EPB41: variants seen among roughly 807,000 people sequenced by gnomAD.
EPB41 encodes erythrocyte membrane protein band 4.1.
Under a neutral mutation model 108.0 loss-of-function variants are expected in EPB41, and 65 were observed. The ratio of observed to expected loss-of-function variants is 0.60; its 90% CI spans 0.49 to 0.74. The LOEUF is 0.74. Among genes scored for constraint, EPB41 ranks in the 30% least tolerant of loss-of-function variants. EPB41 has a pLI of 0.00. For missense variants in EPB41, 875 were observed against 1,037.0 expected (o/e 0.84, Z 2.15); for synonymous variants, 336 against 358.9 (o/e 0.94, Z 0.72).
intron 1 of EPB41, among the ~76,000 whole-genome samples, chr1:28,975,958 A>AAG (rs1553205873): frequency 0.063 from 8,661 of 137,710 alleles, 334 homozygotes; most frequent in East Asian, 0.26. Context: ...AAAAAAAAAA[A>AAG]AAAGAAAGAA....
At chr1:28,991,252 A>C (rs1435488854) in intron 2 of EPB41, among the ~76,000 whole-genome samples, 1 of 150,754 alleles carries the variant, frequency 6.6e-6, no homozygotes, top group Admixed American at 6.6e-5. Flanking sequence ...ACCAGTCTTC[A>C]TCCAGAGTAG....
intron 11 of EPB41, 47 bp from the exon 12 acceptor site, chr1:29,053,057 G>C: frequency 6.3e-7 from 1 of 1,597,958 alleles, no homozygotes; most frequent in South Asian, 1.1e-5. Flanking sequence ...AAATAATACA[G>C]TAGCTCTGGC....
intron 17 of EPB41, among the ~76,000 whole-genome samples, chr1:29,099,284 A>AAAGAAG (rs1279955637): frequency 8.6e-5 from 13 of 150,340 alleles, no homozygotes; most frequent in African/African-American, 2.9e-4. Flanking sequence ...AAAAAAAAAA[A>AAAGAAG]AAGAAGAAGA....
intron 3 of EPB41, among the ~76,000 whole-genome samples, chr1:28,994,799 C>T (rs2096124314): frequency 6.6e-6 from 1 of 150,828 alleles, no homozygotes; most frequent in Non-Finnish European, 1.5e-5. Context: ...GCTGGGACTA[C>T]AGGCACATAC....
chr1:29,054,773 C>T (rs1369619445), intron 12 of EPB41, among the ~76,000 whole-genome samples: 1 of 152,148 alleles, frequency 6.6e-6, no homozygotes, highest in Non-Finnish European at 1.5e-5. Context: ...TAGCTTGAAC[C>T]TGAGAGGTTG....
At chr1:29,097,355 G>A (rs1663556561) in intron 16 of EPB41, 1 of 180,224 alleles carries the variant, frequency 5.5e-6, no homozygotes, top group South Asian at 1.2e-4. Context: ...AGAAGTTAAT[G>A]AATTCGAGGG....
At chr1:29,051,221 C>T (rs1298037439) in intron 11 of EPB41, among the ~76,000 whole-genome samples, 1 of 150,218 alleles carries the variant, frequency 6.7e-6, no homozygotes, top group Admixed American at 6.7e-5. Flanking sequence ...GCCTCAGCCT[C>T]CCGAGTAGCT....
chr1:28,959,649 G>C (rs185239673), intron 1 of EPB41, among the ~76,000 whole-genome samples: 1 of 152,246 alleles, frequency 6.6e-6, no homozygotes, highest in Admixed American at 6.6e-5. Flanking sequence ...GAGTGAATTA[G>C]AGCAGAAACA....
chr1:28,935,469 C>CACACACACACACACACACACACACA (rs1234434094), intron 1 of EPB41, among the ~76,000 whole-genome samples: 1,191 of 42,154 alleles, frequency 0.028, 65 homozygotes, highest in Admixed American at 0.038. Context: ...ACACACACAC[C>CACACACACACACACACACACACACA]CCCCCCCCCC....
At chr1:28,960,302 T>C (rs2095150991) in intron 1 of EPB41, among the ~76,000 whole-genome samples, 1 of 152,050 alleles carries the variant, frequency 6.6e-6, no homozygotes, top group South Asian at 2.1e-4. Flanking sequence ...TGAGTCACTA[T>C]ATCCAGTCCT....
chr1:29,114,007 G>A (rs576911577), intron 19 of EPB41, among the ~76,000 whole-genome samples: 2 of 152,274 alleles, frequency 1.3e-5, no homozygotes, highest in South Asian at 4.2e-4. Context: ...CAGGGAGGAT[G>A]GTCAGGGGCC....
At chr1:29,069,354 T>G (rs975685094) in intron 16 of EPB41, 77 of 1,231,050 alleles carry the variant, frequency 6.3e-5, no homozygotes, top group Non-Finnish European at 7.8e-5. Flanking sequence ...AATAAAAACT[T>G]CTCAATTGGA....
intron 1 of EPB41, among the ~76,000 whole-genome samples, chr1:28,924,072 GA>G (rs1482148990): frequency 3.3e-5 from 5 of 152,216 alleles, no homozygotes; most frequent in African/African-American, 9.6e-5. Flanking sequence ...CATATCCTGA[GA>G]ACACTCAGGC....
intron 6 of EPB41, among the ~76,000 whole-genome samples, chr1:29,017,342 A>G (rs557994211): frequency 1.3e-5 from 2 of 152,342 alleles, no homozygotes; most frequent in East Asian, 1.9e-4. Context: ...AGGAATTGTC[A>G]ATTTAATAAT....
intron 1 of EPB41, among the ~76,000 whole-genome samples, chr1:28,919,556 C>T (rs897261218): frequency 5.9e-5 from 9 of 151,928 alleles, no homozygotes; most frequent in African/African-American, 1.5e-4. Context: ...CTCTGCCTCC[C>T]GGGTTCAAGC....
chr1:29,081,770 G>C (rs760868482), intron 16 of EPB41, among the ~76,000 whole-genome samples: 1 of 151,278 alleles, frequency 6.6e-6, no homozygotes, highest in Non-Finnish European at 1.5e-5. Context: ...GGAAGGCGGA[G>C]GTTGCAGTAA....
intron 16 of EPB41, among the ~76,000 whole-genome samples, chr1:29,076,857 T>C (rs1300484096): frequency 6.6e-6 from 1 of 152,090 alleles, no homozygotes; most frequent in Non-Finnish European, 1.5e-5. Flanking sequence ...CAGTGAGCCA[T>C]GATCACACAA....
At chr1:29,015,939 A>G (rs1228430592) in intron 6 of EPB41, among the ~76,000 whole-genome samples, 172 bp downstream of exon 6, 1 of 152,224 alleles carries the variant, frequency 6.6e-6, no homozygotes, top group Non-Finnish European at 1.5e-5. Context: ...AGGCATACAA[A>G]TAAGTGAATC....
intron 1 of EPB41, among the ~76,000 whole-genome samples, chr1:28,937,252 T>C (rs1050999066): frequency 3.9e-5 from 6 of 152,228 alleles, no homozygotes; most frequent in African/African-American, 1.4e-4. Context: ...TCATTTACAT[T>C]GTGTTATTTG....
Sources: gnomAD v4.1 joint callset for allele counts (sites outside exome capture counted in the v4.1 genomes callset) on GRCh38, gnomAD v4.1.1 for gene constraint, MANE v1.5 for transcripts, NCBI Gene and HGNC (gene_info 2026-07-23, HGNC 2026-07-21) for gene names.